Variants in PALMD observed in about 807,000 individuals in gnomAD.
The protein encoded by PALMD is palmdelphin.
Under a neutral mutation model 56.2 loss-of-function variants are expected in PALMD, and 42 were observed. The observed-to-expected ratio is 0.75, with a 90% confidence interval of 0.58 to 0.97. The LOEUF (loss-of-function observed/expected upper bound fraction) is 0.97, where lower values mean the gene tolerates loss of function less well. Ranked by LOEUF, PALMD falls within the 50% of genes least tolerant of loss-of-function variation. PALMD has a pLI of 0.00. For synonymous variants in PALMD, 242 were observed against 222.9 expected (o/e 1.09, Z -0.76); for missense variants, 660 against 643.8 (o/e 1.03, Z -0.27).
intron 3 of PALMD, chr1:99,669,447 C>CA (rs1220367513): frequency 6.6e-6 from 1 of 152,166 alleles, no homozygotes; most frequent in African/African-American, 2.4e-5. Context: ...AAGATCCCGG[C>CA]ATAAGTGGGT....
intron 7 of PALMD, among the ~76,000 whole-genome samples, chr1:99,693,006 A>G (rs1653695848): frequency 6.6e-6 from 1 of 152,234 alleles, no homozygotes; most frequent in Non-Finnish European, 1.5e-5. Flanking sequence ...TGGAGTGACA[A>G]TTAAAATAAT....
chr1:99,671,030 G>A (rs1653073787), intron 3 of PALMD, among the ~76,000 whole-genome samples: 1 of 152,202 alleles, frequency 6.6e-6, no homozygotes, highest in African/African-American at 2.4e-5. Flanking sequence ...GCACTGAGTA[G>A]CAATGGAGCC....
At chr1:99,684,251 A>T (rs1186832175) in intron 3 of PALMD, 1 of 152,188 alleles carries the variant, frequency 6.6e-6, no homozygotes, top group Non-Finnish European at 1.5e-5. Context: ...TTATATTATT[A>T]AAAGGCTGTA....
rs1404233567 is a variant in PALMD at position 99,689,290 on chromosome 1, C to CA, written c.1036dup (p.Arg346LysfsTer35). The stretch of plus-strand genomic sequence containing the variant: ...AGCAGAAGAGAAGCTTCACACCCCG[C>CA]AAAAAAGGCTAATGACTCCTTGGGA... On this transcript the variant is annotated frameshift_variant, in exon 7 of 8. Transcript: ENST00000263174. LOFTEE classifies it high-confidence loss of function. The CA allele has an allele frequency of 3.7e-6, 6 of 1,613,294 alleles. No individual in the cohort carries two copies. The highest frequency in any genetic ancestry group is 2.2e-5 in the East Asian group (1 of 44,820).
At position 99,686,793 on chromosome 1, in the gene PALMD, G is replaced by T. The variant is rs1653508761; in HGVS notation, c.366+3G>T. 5 of 1,489,600 alleles carry T rather than the reference G, an allele frequency of 3.4e-6. No individual in the cohort carries two copies. The highest frequency in any genetic ancestry group is 4.7e-6 in the Non-Finnish European group (5 of 1,074,078). 92.3% of individuals were successfully genotyped at this position (1,489,600 alleles called of 1,614,324 possible). A position where few individuals can be genotyped will look rare whatever the true frequency, so the allele number is the denominator to read the frequency against. On this transcript the variant is annotated splice_donor_region_variant and intron_variant, in intron 4 of 7. Transcript: ENST00000263174. ...GGACAACAGAAGACATTATAAGAGT[G>T]AGCATTAACCAATTTTAAAACTGTA...
chr1:99,666,878 T>G (rs960074773), intron 2 of PALMD, among the ~76,000 whole-genome samples: 2 of 152,204 alleles, frequency 1.3e-5, no homozygotes, highest in Admixed American at 1.3e-4. Flanking sequence ...TTTAATTTCC[T>G]CATGCAAATT....
At chr1:99,669,265 G>T (rs1243254990) in intron 3 of PALMD, 1 of 152,092 alleles carries the variant, frequency 6.6e-6, no homozygotes, top group Admixed American at 6.6e-5. Context: ...ATTCTTAAAA[G>T]GTTATATAAT....
chr1:99,674,545 T>G (rs1054727412), intron 3 of PALMD, among the ~76,000 whole-genome samples: 1 of 151,992 alleles, frequency 6.6e-6, no homozygotes, highest in African/African-American at 2.4e-5. Context: ...TGAACATTAT[T>G]GAGAACTTGC....
chr1:99,668,071 G>T (rs1653006187), intron 3 of PALMD: 1 of 255,506 alleles, frequency 3.9e-6, no homozygotes, highest in Non-Finnish European at 7.7e-6. Flanking sequence ...TAGAGACAGG[G>T]TTTCACCATG....
Position 99,652,141 on chromosome 1 carries a change from T to C in PALMD, c.45+5779T>C, listed in dbSNP as rs561390044. The stretch of plus-strand genomic sequence containing the variant: ...TCCTATGAGTATTTTCAAAAGCATA[T>C]GTTATCATTCCCATTTTATGGCAGA... On this transcript the variant is annotated intron_variant, in intron 1 of 7. Coordinates refer to ENST00000263174, the MANE Select transcript of PALMD (RefSeq NM_017734.5). 9.9e-4 allele frequency among the ~76,000 whole-genome samples: 151 copies of C among 152,358 alleles called. 2 individuals are homozygous for C. The highest frequency in any genetic ancestry group is 6.8e-3 in the East Asian group (35 of 5,182).
intron 3 of PALMD, among the ~76,000 whole-genome samples, chr1:99,681,097 G>T (rs34314182): frequency 0.05 from 3,113 of 62,182 alleles, 72 homozygotes; most frequent in South Asian, 0.26. Flanking sequence ...ATATATGTGT[G>T]TGTATATATG....
At chr1:99,690,643 T>C (rs772952051) in intron 7 of PALMD, among the ~76,000 whole-genome samples, 15 of 152,176 alleles carry the variant, frequency 9.9e-5, no homozygotes, top group Non-Finnish European at 2.1e-4. Context: ...ACTTAAATAC[T>C]ATATTCTAGT....
chr1:99,661,930 T>C (rs1652855342), intron 1 of PALMD, among the ~76,000 whole-genome samples: 1 of 152,208 alleles, frequency 6.6e-6, no homozygotes, highest in Non-Finnish European at 1.5e-5. Flanking sequence ...ACCCAGAGGC[T>C]TCTTCAACCT....
intron 7 of PALMD, among the ~76,000 whole-genome samples, chr1:99,692,472 C>A (rs1024117536): frequency 6.6e-6 from 1 of 152,148 alleles, no homozygotes; most frequent in Non-Finnish European, 1.5e-5. Flanking sequence ...GGGTTTTTAG[C>A]TGCTAAACCA....
intron 7 of PALMD, among the ~76,000 whole-genome samples, chr1:99,692,094 C>T (rs1653663990): frequency 6.6e-6 from 1 of 152,202 alleles, no homozygotes; most frequent in South Asian, 2.1e-4. Context: ...GACACTTCCA[C>T]CATTGCATGG....
chr1:99,646,434 T>C, intron 1 of PALMD, 72 bp downstream of exon 1: 1 of 1,153,090 alleles, frequency 8.7e-7, no homozygotes, highest in Non-Finnish European at 1.3e-6. Flanking sequence ...CGGCTGCCCC[T>C]GTCGCTGAGC....
chr1:99,667,303 C>T (rs1652987138), intron 2 of PALMD, among the ~76,000 whole-genome samples: 1 of 152,148 alleles, frequency 6.6e-6, no homozygotes, highest in Non-Finnish European at 1.5e-5. Flanking sequence ...CCCATTATGA[C>T]TGTGATAAAC....
intron 2 of PALMD, among the ~76,000 whole-genome samples, chr1:99,665,842 A>G (rs1385878756): frequency 6.6e-6 from 1 of 152,210 alleles, no homozygotes; most frequent in African/African-American, 2.4e-5. Context: ...GTTTCTTAGC[A>G]TCTTTGACCC....
intron 7 of PALMD, 57 bp from the exon 8 acceptor site, chr1:99,693,962 T>C (rs1653720696): frequency 8.1e-7 from 1 of 1,232,370 alleles, no homozygotes; most frequent in Non-Finnish European, 1.2e-6. Flanking sequence ...AATGGCCATT[T>C]AGAGTAAAAA....
Sources: gnomAD v4.1 joint callset for allele counts (sites outside exome capture counted in the v4.1 genomes callset) on GRCh38, gnomAD v4.1.1 for gene constraint, MANE v1.5 for transcripts, NCBI Gene and HGNC (gene_info 2026-07-23, HGNC 2026-07-21) for gene names.